The following ADGRB3 variants were observed in gnomAD, a reference collection of about 807,000 sequenced individuals.
ADGRB3 encodes the protein adhesion G protein-coupled receptor B3, also known as brain-specific angiogenesis inhibitor 3.
ADGRB3 carries 37 observed loss-of-function variants against 193.4 expected under a neutral mutation model. The ratio of observed to expected loss-of-function variants is 0.19; its 90% CI spans 0.15 to 0.25. The LOEUF is 0.25. ADGRB3 is among the 10% of genes least tolerant of loss of function. ADGRB3 has a pLI of 1.00. For synonymous variants in ADGRB3, 690 were observed against 644.2 expected, an observed-to-expected ratio of 1.07 and a Z score of -1.08; for missense variants, 1,637 against 1,852.9, an observed-to-expected ratio of 0.88 and a Z score of 2.14.
At chr6:69,108,751 C>T (rs1773287911) in intron 17 of ADGRB3, among the ~76,000 whole-genome samples, 1 of 152,062 alleles carries the variant, frequency 6.6e-6, no homozygotes, top group Admixed American at 6.6e-5. Context: ...TGGAAAAATG[C>T]TGGAAAACTT....
At chr6:68,830,355 C>T (rs182972245) in intron 3 of ADGRB3, among the ~76,000 whole-genome samples, 4 of 152,150 alleles carry the variant, frequency 2.6e-5, no homozygotes, top group African/African-American at 9.6e-5. Flanking sequence ...TGTGAACCAC[C>T]TTTTTCTGTA....
At position 69,020,394 on chromosome 6, in the gene ADGRB3, A is replaced by G. The variant is rs144074027; in HGVS notation, c.2107+1895A>G. Among the ~76,000 whole-genome samples the G allele has an allele frequency of 8.5e-3, 1,290 of 152,166 alleles. 21 individuals carry two copies. The highest frequency in any genetic ancestry group is 0.03 in the African/African-American group (1,232 of 41,546). On this transcript the variant is annotated intron_variant, in intron 13 of 31. Transcript: ENST00000370598. The stretch of plus-strand genomic sequence containing the variant: ...CTGTATTATTTGCTGTAAAAATTTC[A>G]TAAATGTCCATAAATTACAATCATT...
At chr6:68,739,833 A>G (rs188351969) in intron 3 of ADGRB3, among the ~76,000 whole-genome samples, 1 of 152,304 alleles carries the variant, frequency 6.6e-6, no homozygotes, top group African/African-American at 2.4e-5. Flanking sequence ...GTAGAGTTTA[A>G]GCCATCAATA....
chr6:69,353,476 A>G (rs1323672640), intron 26 of ADGRB3, among the ~76,000 whole-genome samples: 2 of 152,258 alleles, frequency 1.3e-5, no homozygotes, highest in Non-Finnish European at 2.9e-5. Context: ...AGACATAAAA[A>G]GAAACATCCC....
chr6:68,969,295 T>A (rs1022984839), intron 8 of ADGRB3, among the ~76,000 whole-genome samples: 16 of 152,180 alleles, frequency 1.1e-4, no homozygotes, highest in African/African-American at 3.6e-4. Context: ...ATTTTAAGGA[T>A]AAATAGGAAT....
chr6:68,912,916 A>C (rs896587906), intron 3 of ADGRB3, among the ~76,000 whole-genome samples: 1 of 152,190 alleles, frequency 6.6e-6, no homozygotes, highest in Non-Finnish European at 1.5e-5. Context: ...TATATCCTCC[A>C]CCTGGCTCGG....
chr6:68,665,606 A>G (rs1331695728), intron 3 of ADGRB3, among the ~76,000 whole-genome samples: 1 of 151,840 alleles, frequency 6.6e-6, no homozygotes, highest in East Asian at 1.9e-4. Context: ...ACCACATACC[A>G]TGATAGTTAC....
At chr6:68,919,747 T>C (rs1766984565) in intron 3 of ADGRB3, among the ~76,000 whole-genome samples, 2 of 152,156 alleles carry the variant, frequency 1.3e-5, no homozygotes, top group South Asian at 4.1e-4. Flanking sequence ...ATGATGAACG[T>C]GACAGTTCTT....
intron 19 of ADGRB3, among the ~76,000 whole-genome samples, chr6:69,236,961 C>G (rs548088440): frequency 6.6e-6 from 1 of 152,110 alleles, no homozygotes; most frequent in South Asian, 2.1e-4. Context: ...TGGTCATCAA[C>G]TCATTCTCTA....
intron 3 of ADGRB3, among the ~76,000 whole-genome samples, chr6:68,846,289 C>G (rs1327448406): frequency 6.6e-6 from 1 of 152,076 alleles, no homozygotes; most frequent in East Asian, 1.9e-4. Context: ...AAATTTGCAT[C>G]CTATGTGATA....
intron 3 of ADGRB3, among the ~76,000 whole-genome samples, chr6:68,808,048 A>G (rs975069534): frequency 6.6e-6 from 1 of 152,218 alleles, no homozygotes; most frequent in Non-Finnish European, 1.5e-5. Flanking sequence ...AAATTAGTTC[A>G]ATAGGAATAT....
chr6:69,211,819 T>A (rs1448165581), intron 17 of ADGRB3, among the ~76,000 whole-genome samples: 1 of 152,204 alleles, frequency 6.6e-6, no homozygotes, highest in Non-Finnish European at 1.5e-5. Flanking sequence ...CTATCCACTG[T>A]TTCATCTTTC....
chr6:69,218,520 A>G (rs1050047007), intron 17 of ADGRB3, among the ~76,000 whole-genome samples: 1 of 152,182 alleles, frequency 6.6e-6, no homozygotes, highest in African/African-American at 2.4e-5. Flanking sequence ...TAGGGATACT[A>G]ATAGGATAAG....
rs142165387 is a variant in ADGRB3 at position 68,818,607 on chromosome 6, C to A, written c.758-111952C>A. Among the ~76,000 whole-genome samples, 948 of 152,152 alleles carry A rather than the reference C, an allele frequency of 6.2e-3. 6 individuals are homozygous for A. Among genetic ancestry groups the A allele is most frequent in the African/African-American group, 0.022 (895 of 41,548 alleles). On this transcript the variant is annotated intron_variant, in intron 3 of 31. Coordinates refer to ENST00000370598, the MANE Select transcript of ADGRB3 (RefSeq NM_001704.3). ...GGCTGTATCTTACTAGCAATATAAT[C>A]TTGTGCCCTCAAAAGTTTTCTGAAT...
intron 10 of ADGRB3, among the ~76,000 whole-genome samples, chr6:68,992,427 C>G (rs970883115): frequency 2.2e-4 from 34 of 152,172 alleles, no homozygotes; most frequent in African/African-American, 8.2e-4. Flanking sequence ...TGGCCAGTGC[C>G]GTGTCTCTTT....
intron 3 of ADGRB3, among the ~76,000 whole-genome samples, chr6:68,698,736 G>GA: frequency 6.6e-6 from 1 of 152,108 alleles, no homozygotes; most frequent in South Asian, 2.1e-4. Flanking sequence ...AAAGCAAATA[G>GA]AAAAGATATT....
chr6:68,947,837 G>A (rs756219580), intron 6 of ADGRB3, among the ~76,000 whole-genome samples: 3 of 152,088 alleles, frequency 2.0e-5, no homozygotes, highest in Non-Finnish European at 4.4e-5. Flanking sequence ...ATTAGAAGTA[G>A]TATGTTAACG....
At chr6:68,827,026 G>A (rs148007301) in intron 3 of ADGRB3, among the ~76,000 whole-genome samples, 82 of 152,160 alleles carry the variant, frequency 5.4e-4, no homozygotes, top group South Asian at 1.2e-3. Context: ...TGGCATAAGC[G>A]TATTGATTTT....
chr6:68,876,943 T>G (rs1201633226), intron 3 of ADGRB3, among the ~76,000 whole-genome samples: 1 of 152,122 alleles, frequency 6.6e-6, no homozygotes, highest in African/African-American at 2.4e-5. Flanking sequence ...TTGAAAAAAC[T>G]AGGGCTCAAG....
Sources: gnomAD v4.1 joint callset for allele counts (sites outside exome capture counted in the v4.1 genomes callset) on GRCh38, gnomAD v4.1.1 for gene constraint, MANE v1.5 for transcripts, NCBI Gene and HGNC (gene_info 2026-07-23, HGNC 2026-07-21) for gene names.